The following HYAL1 variants were observed in gnomAD, a reference collection of about 807,000 sequenced individuals.
HYAL1 encodes the protein hyaluronidase-1.
In HYAL1, 21 loss-of-function variants were observed where a neutral mutation model predicts 28.8. The ratio of observed to expected loss-of-function variants is 0.73; its 90% confidence interval spans 0.52 to 1.05. The LOEUF (loss-of-function observed/expected upper bound fraction) is 1.05. Ranked by LOEUF, HYAL1 falls within the 50% of genes least tolerant of loss-of-function variation. The pLI, the probability that HYAL1 is intolerant of heterozygous loss-of-function variation, is 0.00. For missense variants in HYAL1, 491 were observed against 579.2 expected, an observed-to-expected ratio of 0.85 and a Z score of 1.56; for synonymous variants, 200 against 230.1, an observed-to-expected ratio of 0.87 and a Z score of 1.18.
chr3:50,301,479 G>T (rs1702158253), intron 2 of HYAL1, among the ~76,000 whole-genome samples: 1 of 152,040 alleles, frequency 6.6e-6, no homozygotes, highest in African/African-American at 2.4e-5. Context: ...AGCCAGACAT[G>T]TTGATGGCAT....
intron 1 of HYAL1, among the ~76,000 whole-genome samples, chr3:50,312,083 T>C (rs1449528112): frequency 8.9e-6 from 1 of 112,546 alleles, no homozygotes; most frequent in Non-Finnish European, 1.9e-5. Context: ...CCCCCCCACC[T>C]CCCTCCCGGA....
chr3:50,305,266 C>T (rs996160803), upstream of HYAL1, among the ~76,000 whole-genome samples: 5 of 152,096 alleles, frequency 3.3e-5, no homozygotes, highest in African/African-American at 4.8e-5. Context: ...TTTTTTGAGA[C>T]GGAGTCTCGC....
In HYAL1 at chr3:50,301,000, AT is replaced by A; in HGVS notation, c.977del (p.Asn326IlefsTer24). On this transcript the variant is annotated frameshift_variant, in exon 3 of 4. Transcript: ENST00000395144. LOFTEE classifies it low-confidence loss of function (END_TRUNC). Reference protein sequence around the residue: ...AGVVLWVSWENTRTKESCQAI... With the variant: ...AGVVLWVSWEXTRTKESCQAI... Reference sequence around the variant, plus strand: ...GGCCTAAGCTCACCTTGGTTCTTGTATTTTCCCAGCTCACCCAGAGCACCAC... The same window carrying A: ...GGCCTAAGCTCACCTTGGTTCTTGTATTTCCCAGCTCACCCAGAGCACCAC... 2 of 1,431,238 alleles carry A rather than the reference AT, an allele frequency of 1.4e-6. No homozygotes were observed. Among genetic ancestry groups the A allele is most frequent in the Non-Finnish European group, 9.3e-7 (1 of 1,076,854 alleles). The allele number at this position is 1,431,238 out of a possible 1,614,324, so 88.7% of individuals were successfully genotyped here.
At position 50,309,562 on chromosome 3, in the gene HYAL1, C is replaced by T. The variant is rs1411668431; in HGVS notation, c.-191+97G>A. ...GACTTTGACAGGAATGGTGTGCTTT[C>T]GTTTAAGGAATCAAACTTAACTTAT... On this transcript the variant is annotated intron_variant, in intron 2 of 5. Coordinates refer to the HYAL1 transcript ENST00000320295. 5.3e-5 allele frequency: 8 copies of T among 150,628 alleles called. 2 individuals carry two copies. Among genetic ancestry groups the T allele is most frequent in the East Asian group, 1.9e-4 (1 of 5,180 alleles). 9.3% of individuals were successfully genotyped at this position (150,628 alleles called of 1,614,324 possible).
intron 1 of HYAL1, among the ~76,000 whole-genome samples, chr3:50,310,467 C>A (rs1269143294): frequency 6.6e-6 from 1 of 150,766 alleles, no homozygotes; most frequent in African/African-American, 2.5e-5. Context: ...GGGGTTTCAC[C>A]GTGTTAGCCA....
chr3:50,302,328 T>C lies in HYAL1; in HGVS notation c.629A>G (p.Tyr210Cys), dbSNP rs1553713151. 1 of 1,613,428 alleles carries C rather than the reference T, an allele frequency of 6.2e-7. No homozygotes were observed. The highest frequency in any genetic ancestry group is 8.5e-7 in the Non-Finnish European group (1 of 1,179,978). The change falls in exon 2 of 4, where the codon TAT becomes TGT. Residue 210 changes from tyrosine to cysteine, a missense_variant. Transcript: ENST00000395144. This position sits in a 1 kb window ranked among gnomAD's most constrained non-coding sequence, Gnocchi z 5.0. ...GGTGTAGTTGGGGCTTAGAAAGTCA[T>C]AGTTGTAGCAGTCAGGGAAGCCATA... ...GFYGFPDCYN[Y>C]DFLSPNYTGQ...
Position 50,300,123 on chromosome 3 carries a change from A to T in HYAL1, c.*360T>A, listed in dbSNP as rs919391355. On this transcript the variant is annotated 3_prime_UTR_variant, in exon 4 of 4. Coordinates refer to ENST00000395144, the MANE Select transcript of HYAL1 (RefSeq NM_033159.4). ...CATAGCCTCATTGTGAGGAATGAAT[A>T]AGTCCACATAAAACGCTTAGCACGG... is the stretch of plus-strand genomic sequence containing the variant. 2 of 339,436 alleles carry T rather than the reference A, an allele frequency of 5.9e-6. No individual in the cohort carries two copies. Among genetic ancestry groups the T allele is most frequent in the Non-Finnish European group, 1.1e-5 (2 of 176,028 alleles). The allele number at this position is 339,436 out of a possible 1,614,324, so 21.0% of individuals were successfully genotyped here.
Position 50,302,414 on chromosome 3 carries a change from G to T in HYAL1, c.543C>A (p.Ala181=). The change falls in exon 2 of 4, where the codon GCC becomes GCA. Residue 181 remains alanine, a synonymous_variant. Coordinates refer to ENST00000395144, the MANE Select transcript of HYAL1 (RefSeq NM_033159.4). This position sits in a 1 kb window ranked among gnomAD's most constrained non-coding sequence, Gnocchi z 5.0. ...AQDQFQGAAR[A]WMAGTLQLGR... ...CCAGCTGGAGGGTGCCTGCCATCCA[G>T]GCCCGTGCAGCTCCCTGGAACTGGT... 1 of 1,613,904 alleles carries T rather than the reference G, an allele frequency of 6.2e-7. No individual in the cohort carries two copies. Among genetic ancestry groups the T allele is most frequent in the South Asian group, 1.1e-5 (1 of 91,084 alleles).
intron 1 of HYAL1, among the ~76,000 whole-genome samples, chr3:50,311,445 G>A (rs1702450396): frequency 8.9e-6 from 1 of 111,732 alleles, no homozygotes; most frequent in African/African-American, 3.8e-5. Context: ...GCGGGGGGCT[G>A]ACCCCCCCCC....
exon 1 of HYAL1, chr3:50,312,327 G>C (rs1332583790): frequency 5.8e-6 from 1 of 173,514 alleles, no homozygotes; most frequent in Non-Finnish European, 1.3e-5. Context: ...CGGCCAGGGA[G>C]AGACGCTCCT....
chr3:50,303,956 T>TA (rs201999786), upstream of HYAL1: 866 of 151,924 alleles, frequency 5.7e-3, 8 homozygotes, highest in African/African-American at 0.02. Context: ...TTTTCCTCCT[T>TA]AAAAAAAATA....
At chr3:50,301,761 G>C (rs1428687769) in intron 2 of HYAL1, among the ~76,000 whole-genome samples, 1 of 152,122 alleles carries the variant, frequency 6.6e-6, no homozygotes, top group Non-Finnish European at 1.5e-5. Context: ...GACCATCCTG[G>C]CTAACACAGT....
chr3:50,309,560 T>G (rs1702406390), intron 2 of HYAL1: 1 of 151,372 alleles, frequency 6.6e-6, no homozygotes, highest in South Asian at 2.1e-4. Context: ...ATGGTGTGCT[T>G]TCGTTTAAGG....
At position 50,300,524 on chromosome 3, in the gene HYAL1, C is replaced by T. The variant is rs782661320; in HGVS notation, c.1267G>A (p.Gly423Ser). 2.6e-5 allele frequency: 42 copies of T among 1,614,134 alleles called. No homozygotes were observed. Among genetic ancestry groups the T allele is most frequent in the Non-Finnish European group, 1.7e-6 (2 of 1,180,048 alleles). Residue 423 changes from glycine (G) to serine (S), a missense_variant, in exon 4 of 4, where the codon GGC (glycine) becomes AGC (serine). Coordinates refer to ENST00000395144, the MANE Select transcript of HYAL1 (RefSeq NM_033159.4). ...AVEFKCRCYP[G>S]WQAPWCERKS... ...CGCTCACACCACGGTGCCTGCCAGCCAGGGTAGCATCGACATTTGAACTCC... is the reference window on the plus strand; with the variant it reads ...CGCTCACACCACGGTGCCTGCCAGCTAGGGTAGCATCGACATTTGAACTCC...
intron 2 of HYAL1, 61 bp from the exon 3 acceptor site, chr3:50,301,138 A>C: frequency 8.7e-7 from 1 of 1,144,080 alleles, no homozygotes; most frequent in Non-Finnish European, 1.3e-6. Flanking sequence ...AGACTGCTGG[A>C]ACACCATTAG....
In HYAL1 at chr3:50,302,434, A is replaced by C. The variant is rs781902076; in HGVS notation, c.523T>G (p.Phe175Val). The change falls in exon 2 of 4, where the codon TTC becomes GTC. Residue 175 changes from phenylalanine (F) to valine (V), a missense_variant. By Grantham distance (50) the Phe-to-Val change is conservative (BLOSUM62 -1). Coordinates refer to ENST00000395144, the MANE Select transcript of HYAL1 (RefSeq NM_033159.4). This position sits in a 1 kb window ranked among gnomAD's most constrained non-coding sequence, Gnocchi z 5.0. ...ATCCAGGCCCGTGCAGCTCCCTGGA[A>C]CTGGTCCTGGGCTACTGCCTCCACC... The part of the protein sequence containing the change: ...PQVEAVAQDQ[F>V]QGAARAWMAG... 2 of 1,613,798 alleles carry C rather than the reference A, an allele frequency of 1.2e-6. No individual in the cohort carries two copies. The highest frequency in any genetic ancestry group is 2.7e-5 in the African/African-American group (2 of 74,938).
At chr3:50,312,065 G>A (rs1702478960) in intron 1 of HYAL1, among the ~76,000 whole-genome samples, 2 of 137,532 alleles carry the variant, frequency 1.5e-5, no homozygotes, top group Non-Finnish European at 3.3e-5. Context: ...GGCCGGGCGG[G>A]GGGCTGACCC....
In HYAL1 at chr3:50,300,515, C is replaced by G. The variant is rs1179526436; in HGVS notation, c.1276G>C (p.Ala426Pro). The G allele has an allele frequency of 8.1e-6, 13 of 1,614,118 alleles. No individual in the cohort carries two copies. In the African/African-American group the frequency reaches 1.6e-4, roughly 20 times the overall value. Residue 426 changes from alanine (A) to proline (P), a missense_variant, in exon 4 of 4, where the codon GCA (alanine) becomes CCA (proline). Ala to Pro is a conservative substitution (Grantham distance 27, BLOSUM62 -1). Coordinates refer to ENST00000395144, the MANE Select transcript of HYAL1 (RefSeq NM_033159.4). Reference sequence around the variant, plus strand: ...ATGCTCTTCCGCTCACACCACGGTGCCTGCCAGCCAGGGTAGCATCGACAT... The same window carrying G: ...ATGCTCTTCCGCTCACACCACGGTGGCTGCCAGCCAGGGTAGCATCGACAT... Reference protein sequence around the residue: ...FKCRCYPGWQAPWCERKSMW With the variant: ...FKCRCYPGWQPPWCERKSMW
upstream of HYAL1, among the ~76,000 whole-genome samples, chr3:50,307,152 G>T (rs1007851014): frequency 6.7e-6 from 1 of 150,258 alleles, no homozygotes; most frequent in Non-Finnish European, 1.5e-5. Context: ...ATCATTTGAG[G>T]TCAGGAGTTT....
Sources: gnomAD v4.1 joint callset for allele counts (sites outside exome capture counted in the v4.1 genomes callset) on GRCh38, gnomAD v4.1.1 for gene constraint, Gnocchi (gnomAD v3.1) non-coding constraint, MANE v1.5 for transcripts, NCBI Gene and HGNC (gene_info 2026-07-23, HGNC 2026-07-21) for gene names.